ACAD10: variants seen among roughly 807,000 people sequenced by gnomAD.
ACAD10 encodes the protein acyl-CoA dehydrogenase family member 10.
ACAD10 carries 112 observed loss-of-function variants against 116.8 expected under a neutral mutation model. That is an observed-to-expected ratio of 0.96 (90% CI 0.82 to 1.12). The LOEUF is 1.12. Among genes scored for constraint, ACAD10 ranks in the 50% most tolerant of loss-of-function variants. The pLI, the probability that ACAD10 is intolerant of heterozygous loss-of-function variation, is 0.00. For missense variants in ACAD10, 1,259 were observed against 1,350.2 expected (o/e 0.93, Z 1.06); for synonymous variants, 486 against 510.6 (o/e 0.95, Z 0.65).
chr12:111,688,630 C>T (rs917088646), intron 1 of ACAD10, among the ~76,000 whole-genome samples: 23 of 150,908 alleles, frequency 1.5e-4, no homozygotes, highest in African/African-American at 5.4e-4. Flanking sequence ...GGTTAACACC[C>T]GTCTCCACTA....
At chr12:111,701,082 AT>A (rs1305469588) in intron 2 of ACAD10, among the ~76,000 whole-genome samples, 13 of 152,092 alleles carry the variant, frequency 8.5e-5, no homozygotes, top group Non-Finnish European at 1.8e-4. Flanking sequence ...ATAGTTTTCT[AT>A]GAAATATATT....
intron 5 of ACAD10, among the ~76,000 whole-genome samples, chr12:111,710,746 C>T (rs1340397199): frequency 4.6e-5 from 7 of 152,044 alleles, no homozygotes; most frequent in African/African-American, 7.2e-5. Context: ...CTGCCCGCCT[C>T]GCCTCCCAAA....
chr12:111,757,099 C>T lies in ACAD10; in HGVS notation c.*626C>T, dbSNP rs368136294. 12 of 351,728 alleles carry T rather than the reference C, an allele frequency of 3.4e-5. No individual in the cohort carries two copies. The East Asian group carries it at 5.3e-4, about 15-fold the overall frequency. The allele number at this position is 351,728 out of a possible 1,614,324, so 21.8% of individuals were successfully genotyped here. A position where few individuals can be genotyped will look rare whatever the true frequency, so the allele number is the denominator to read the frequency against. On this transcript the variant is annotated 3_prime_UTR_variant, in exon 21 of 21. Coordinates refer to ENST00000313698, the MANE Select transcript of ACAD10 (RefSeq NM_025247.6). ...AGAATAAGTAAACACATCTCGGAGG[C>T]TTTGTGGACTTTCTGTGTCATACAA...
chr12:111,745,073 C>A, intron 13 of ACAD10, 30 bp downstream of exon 13: 1 of 1,593,638 alleles, frequency 6.3e-7, no homozygotes, highest in Non-Finnish European at 8.5e-7. Context: ...GTGGTAAGAC[C>A]CCAATACCAT....
At chr12:111,688,893 T>C (rs1593008989) in intron 1 of ACAD10, among the ~76,000 whole-genome samples, 1 of 151,802 alleles carries the variant, frequency 6.6e-6, no homozygotes, top group East Asian at 2.0e-4. Context: ...AAGTAATCCC[T>C]AGATTGCTTA....
At chr12:111,730,044 C>A in intron 10 of ACAD10, 88 bp downstream of exon 10, 2 of 1,496,022 alleles carry the variant, frequency 1.3e-6, no homozygotes, top group Non-Finnish European at 9.0e-7. Flanking sequence ...CAATTTACAG[C>A]TGGGAATTAT....
chr12:111,703,173 G>T (rs1221010219), intron 3 of ACAD10, among the ~76,000 whole-genome samples: 8 of 151,634 alleles, frequency 5.3e-5, no homozygotes, highest in Non-Finnish European at 2.9e-5. Flanking sequence ...TGTTATGAAG[G>T]ATACGAATGA....
chr12:111,711,021 T>C (rs1888663468), intron 5 of ACAD10, among the ~76,000 whole-genome samples: 1 of 152,198 alleles, frequency 6.6e-6, no homozygotes, highest in Non-Finnish European at 1.5e-5. Context: ...TAGCTAAATA[T>C]CCTGGGTTCG....
intron 10 of ACAD10, among the ~76,000 whole-genome samples, chr12:111,732,196 G>A (rs1239449428): frequency 3.3e-5 from 5 of 152,196 alleles, no homozygotes; most frequent in Non-Finnish European, 7.3e-5. Context: ...AGAGACTCAG[G>A]TGAAGATGTT....
At chr12:111,688,335 G>A (rs1355036067) in intron 1 of ACAD10, 1 of 152,164 alleles carries the variant, frequency 6.6e-6, no homozygotes, top group Non-Finnish European at 1.5e-5. Flanking sequence ...CCCAAATTCA[G>A]CAAATTTCCA....
intron 2 of ACAD10, among the ~76,000 whole-genome samples, chr12:111,694,201 T>C (rs187447042): frequency 1.3e-5 from 2 of 152,290 alleles, no homozygotes; most frequent in South Asian, 2.1e-4. Flanking sequence ...CTGCACAAGC[T>C]GGTTTCTGAG....
chr12:111,744,809 G>T lies in ACAD10; in HGVS notation c.1881G>T (p.Gln627His), dbSNP rs1463234842. The T allele has an allele frequency of 1.2e-6, 2 of 1,614,232 alleles. No homozygotes were observed. Among genetic ancestry groups the T allele is most frequent in the East Asian group, 2.2e-5 (1 of 44,888 alleles). The change falls in exon 13 of 21, where the codon CAG becomes CAT. Residue 627 changes from glutamine (Q) to histidine (H), a missense_variant. Transcript: ENST00000313698. Reference sequence around the variant, plus strand: ...ACACGTGGGCCAGGCCCCAGTCCCAGTGGTGCCCCACAGGCAGCAGGAGTT... The same window carrying T: ...ACACGTGGGCCAGGCCCCAGTCCCATTGGTGCCCCACAGGCAGCAGGAGTT... ...SYHTWARPQSQWCPTGSRSYS... is the reference protein window; with the variant it reads ...SYHTWARPQSHWCPTGSRSYS...
In ACAD10 at chr12:111,746,294, T is replaced by G; in HGVS notation, c.2256+10T>G. On this transcript the variant is annotated intron_variant, in intron 14 of 20. Transcript: ENST00000313698. ...CCTGTATGCCCCCGAGGTACCTTCT[T>G]TAAAGTTTTCCTCAGTGTGTGGGAA... The G allele has an allele frequency of 6.2e-7, 1 of 1,608,520 alleles. No individual in the cohort carries two copies. Among genetic ancestry groups the G allele is most frequent in the Non-Finnish European group, 8.5e-7 (1 of 1,178,288 alleles).
At chr12:111,727,500 G>C (rs901224980) in intron 8 of ACAD10, among the ~76,000 whole-genome samples, 6 of 152,148 alleles carry the variant, frequency 3.9e-5, no homozygotes, top group African/African-American at 1.4e-4. Context: ...CTCCAGCCTG[G>C]GTGACAGAGC....
chr12:111,756,175 G>T, intron 20 of ACAD10, 158 bp from the exon 21 acceptor site: 2 of 1,428,214 alleles, frequency 1.4e-6, no homozygotes, highest in Non-Finnish European at 9.1e-7. Flanking sequence ...GTGGCCCCAT[G>T]GAAGCCCTCT....
At chr12:111,739,954 T>C (rs1391016317) in intron 12 of ACAD10, among the ~76,000 whole-genome samples, 1 of 152,106 alleles carries the variant, frequency 6.6e-6, no homozygotes, top group Non-Finnish European at 1.5e-5. Flanking sequence ...AGGGTAATAA[T>C]AGTATTGTGG....
intron 4 of ACAD10, 24 bp downstream of exon 4, chr12:111,705,956 C>T (rs1332881630): frequency 6.2e-7 from 1 of 1,609,708 alleles, no homozygotes; most frequent in South Asian, 1.1e-5. Context: ...AATTGAAAAC[C>T]ATTGGAACAG....
At chr12:111,716,697 A>C (rs1326244568) in intron 7 of ACAD10, among the ~76,000 whole-genome samples, 1 of 151,866 alleles carries the variant, frequency 6.6e-6, no homozygotes, top group African/African-American at 2.4e-5. Flanking sequence ...TCTACCAAAA[A>C]TACGAAAAAT....
In ACAD10 at chr12:111,749,266, G is replaced by C; in HGVS notation, c.2738G>C (p.Arg913Thr). The change falls in exon 18 of 21, where the codon AGA (arginine) becomes ACA (threonine). Residue 913 changes from arginine (R) to threonine (T), a missense_variant. By Grantham distance (71) the Arg-to-Thr change is moderately conservative. Transcript: ENST00000313698. ...PGRGFEIAQGRLGPGRIHHCM... is the reference protein window; with the variant it reads ...PGRGFEIAQGTLGPGRIHHCM... Reference sequence around the variant, plus strand: ...CGAGGCTTTGAGATCGCCCAGGGCAGACTGGGCCCCGGCAGGATCCATCAC... The same window carrying C: ...CGAGGCTTTGAGATCGCCCAGGGCACACTGGGCCCCGGCAGGATCCATCAC... 6.2e-7 allele frequency: 1 copy of C among 1,614,126 alleles called. No homozygotes were observed. The highest frequency in any genetic ancestry group is 8.5e-7 in the Non-Finnish European group (1 of 1,180,032).
Sources: gnomAD v4.1 joint callset for allele counts (sites outside exome capture counted in the v4.1 genomes callset) on GRCh38, gnomAD v4.1.1 for gene constraint, MANE v1.5 for transcripts, NCBI Gene and HGNC (gene_info 2026-07-23, HGNC 2026-07-21) for gene names.